FANCM: variants seen among roughly 807,000 people sequenced by gnomAD.
The protein encoded by FANCM is Fanconi anemia group M protein.
A neutral mutation model predicts 199.5 loss-of-function variants in FANCM; 140 were observed. That is an observed-to-expected ratio of 0.70 (90% CI 0.61 to 0.81). FANCM has a LOEUF of 0.81. Among genes scored for constraint, FANCM ranks in the 30% least tolerant of loss-of-function variants. FANCM has a pLI of 0.00. For missense variants in FANCM, 2,410 were observed against 2,421.4 expected (o/e 1.00, Z 0.10); for synonymous variants, 840 against 836.8 (o/e 1.00, Z -0.07).
intron 11 of FANCM, 75 bp from the exon 12 acceptor site, chr14:45,170,514 T>G: frequency 9.3e-7 from 1 of 1,071,770 alleles, no homozygotes; most frequent in African/African-American, 1.6e-5. Flanking sequence ...TGACAGAGTT[T>G]GAATGGATAT....
In FANCM at chr14:45,136,051, C is replaced by T; in HGVS notation, c.20C>T (p.Thr7Met). The T allele has an allele frequency of 6.2e-7, 1 of 1,613,630 alleles. No individual in the cohort carries two copies. The highest frequency in any genetic ancestry group is 8.5e-7 in the Non-Finnish European group (1 of 1,180,034). Residue 7 changes from threonine to methionine, a missense_variant, in exon 1 of 23, where the codon ACG becomes ATG. Coordinates refer to ENST00000267430, the MANE Select transcript of FANCM (RefSeq NM_020937.4). ...GGCCTAATGAGCGGACGGCAAAGAA[C>T]GCTTTTTCAGACGTGGGGCTCAAGT... The part of the protein sequence containing the change: MSGRQR[T>M]LFQTWGSSIS...
chr14:45,158,000 C>T (rs1054460846), intron 8 of FANCM, among the ~76,000 whole-genome samples: 1 of 152,016 alleles, frequency 6.6e-6, no homozygotes, highest in Non-Finnish European at 1.5e-5. Context: ...AGTTCGAGAC[C>T]AGCCTTGGCA....
chr14:45,186,579 A>G (rs1889415267), intron 18 of FANCM, among the ~76,000 whole-genome samples: 1 of 152,340 alleles, frequency 6.6e-6, no homozygotes, highest in Admixed American at 6.5e-5. Flanking sequence ...AAAGTGTTTA[A>G]AAGGCAATGT....
chr14:45,168,990 C>T (rs187774467), intron 11 of FANCM, among the ~76,000 whole-genome samples: 10 of 151,802 alleles, frequency 6.6e-5, no homozygotes, highest in South Asian at 2.1e-4. Flanking sequence ...GGCATGATCT[C>T]GGCTCACTGC....
chr14:45,149,020 G>C (rs1208144737), intron 4 of FANCM, 25 bp downstream of exon 4: 4 of 1,567,116 alleles, frequency 2.6e-6, no homozygotes, highest in Non-Finnish European at 3.5e-6. Flanking sequence ...TGACATTTAG[G>C]GATTTCATAA....
In FANCM at chr14:45,156,208, A is replaced by G. The variant is rs543140123; in HGVS notation, c.1396+749A>G. 5.9e-5 allele frequency among the ~76,000 whole-genome samples: 9 copies of G among 152,294 alleles called. No individual in the cohort carries two copies. The East Asian group carries it at 1.5e-3, about 26-fold the overall frequency. On this transcript the variant is annotated intron_variant, in intron 8 of 22. Transcript: ENST00000267430. The stretch of plus-strand genomic sequence containing the variant: ...GGAGAGATAATTCCAAGCAGTAAAA[A>G]TAGCAGATTCAAAGGCCTTGAGGTG...
chr14:45,144,061 A>G (rs889846777), intron 3 of FANCM, among the ~76,000 whole-genome samples: 2 of 151,786 alleles, frequency 1.3e-5, no homozygotes, highest in Non-Finnish European at 2.9e-5. Context: ...TTTTATGGGT[A>G]CATAGTAGGT....
intron 7 of FANCM, 101 bp from the exon 8 acceptor site, chr14:45,155,272 A>T (rs1887097273): frequency 1.7e-6 from 1 of 597,520 alleles, no homozygotes; most frequent in African/African-American, 1.9e-5. Context: ...ATTAAAAAAA[A>T]ATCCAACATA....
At chr14:45,184,179 A>G (rs912388826) in intron 17 of FANCM, among the ~76,000 whole-genome samples, 5 of 152,308 alleles carry the variant, frequency 3.3e-5, no homozygotes, top group African/African-American at 4.8e-5. Flanking sequence ...TGAAGAAAAT[A>G]TAGAATTAGA....
In FANCM at chr14:45,168,474, A is replaced by C. The variant is rs1006617662; in HGVS notation, c.2002+1311A>C. Reference sequence around the variant, plus strand: ...AATCTTATATTTAATAATTATTTCTAAAATGTTACTGAGGTCGATGGCAAA... The same window carrying C: ...AATCTTATATTTAATAATTATTTCTCAAATGTTACTGAGGTCGATGGCAAA... On this transcript the variant is annotated intron_variant, in intron 11 of 22. Transcript: ENST00000267430. Among the ~76,000 whole-genome samples, 14 of 151,588 alleles carry C rather than the reference A, an allele frequency of 9.2e-5. 1 individual carries two copies. The highest frequency in any genetic ancestry group is 2.1e-4 in the South Asian group (1 of 4,826).
At chr14:45,147,021 A>T (rs555406276) in intron 3 of FANCM, among the ~76,000 whole-genome samples, 2 of 152,116 alleles carry the variant, frequency 1.3e-5, no homozygotes, top group Non-Finnish European at 2.9e-5. Context: ...TGTAGGGATT[A>T]TGCCGATTTT....
intron 16 of FANCM, 39 bp from the exon 17 acceptor site, chr14:45,183,735 A>G (rs145077997): frequency 6.0e-6 from 9 of 1,506,260 alleles, no homozygotes; most frequent in African/African-American, 1.4e-5. Flanking sequence ...GGAAGAAAAT[A>G]TTTTTTTCTT....
intron 1 of FANCM, among the ~76,000 whole-genome samples, chr14:45,136,807 C>G (rs1410914643): frequency 6.6e-6 from 1 of 152,196 alleles, no homozygotes; most frequent in Non-Finnish European, 1.5e-5. Flanking sequence ...AAAAAGATTT[C>G]TCAGTTGAAG....
intron 5 of FANCM, among the ~76,000 whole-genome samples, 166 bp downstream of exon 5, chr14:45,151,694 G>A (rs142229284): frequency 6.6e-6 from 1 of 152,214 alleles, no homozygotes; most frequent in African/African-American, 2.4e-5. Context: ...GGAGGCCAAG[G>A]TGGGAGGATC....
intron 17 of FANCM, among the ~76,000 whole-genome samples, chr14:45,184,262 C>T (rs977106954): frequency 1.3e-5 from 2 of 152,134 alleles, no homozygotes; most frequent in Non-Finnish European, 2.9e-5. Flanking sequence ...TTTTCAAATA[C>T]TTGGAAAATG....
intron 11 of FANCM, 21 bp downstream of exon 11, chr14:45,167,184 A>T (rs777646297): frequency 2.8e-6 from 4 of 1,419,966 alleles, no homozygotes; most frequent in Non-Finnish European, 4.0e-6. Context: ...TTTGCATTTG[A>T]CACATGCATT....
At chr14:45,171,026 G>T (rs1173111082) in intron 12 of FANCM, among the ~76,000 whole-genome samples, 3 of 151,738 alleles carry the variant, frequency 2.0e-5, no homozygotes, top group Non-Finnish European at 4.4e-5. Flanking sequence ...TTTCATTACT[G>T]TCATTTAAAC....
intron 14 of FANCM, 23 bp from the exon 15 acceptor site, chr14:45,181,407 T>C: frequency 7.7e-7 from 1 of 1,304,202 alleles, no homozygotes. Flanking sequence ...TAACCATTCA[T>C]TATTTTAAAA....
intron 20 of FANCM, among the ~76,000 whole-genome samples, chr14:45,190,631 A>G (rs1282642011): frequency 6.6e-6 from 1 of 151,844 alleles, no homozygotes; most frequent in Non-Finnish European, 1.5e-5. Flanking sequence ...TTTATCCCCA[A>G]GGTGTTTCAT....
Sources: gnomAD v4.1 joint callset for allele counts (sites outside exome capture counted in the v4.1 genomes callset) on GRCh38, gnomAD v4.1.1 for gene constraint, MANE v1.5 for transcripts, NCBI Gene and HGNC (gene_info 2026-07-23, HGNC 2026-07-21) for gene names.